AASDH: variants seen among roughly 807,000 people sequenced by gnomAD.
AASDH encodes aminoadipate-semialdehyde dehydrogenase.
In AASDH, 81 loss-of-function variants were observed where a neutral mutation model predicts 102.3. The ratio of observed to expected loss-of-function variants is 0.79; its 90% confidence interval spans 0.66 to 0.95. The LOEUF is 0.95. AASDH is among the 40% of genes least tolerant of loss of function. The pLI is 0.00. For missense variants in AASDH, 1,203 were observed against 1,266.2 expected, an observed-to-expected ratio of 0.95 and a Z score of 0.76; for synonymous variants, 398 against 454.0, an observed-to-expected ratio of 0.88 and a Z score of 1.57.
At chr4:56,338,820 T>C (rs764889858) in intron 14 of AASDH, 29 bp from the exon 15 acceptor site, 15 of 1,585,548 alleles carry the variant, frequency 9.5e-6, no homozygotes, top group Non-Finnish European at 1.2e-5. Context: ...ATAAATATAA[T>C]TCATTCATCT....
Position 56,343,668 on chromosome 4 carries a change from C to T in AASDH, c.2669G>A (p.Trp890Ter). 1 of 1,608,418 alleles carries T rather than the reference C, an allele frequency of 6.2e-7. No homozygotes were observed. Among genetic ancestry groups the T allele is most frequent in the Non-Finnish European group, 8.5e-7 (1 of 1,177,654 alleles). ...GACAGTTCCTCCACATTTTGACTTC[C>T]AAACACACTTCTTTCTCTGCAAATA... is the stretch of plus-strand genomic sequence containing the variant. ...ALDIYRKKCV[W>*]KSKCGGTVFS... Residue 890 changes from tryptophan to a stop codon, truncating the protein, a stop_gained, in exon 13 of 15, where the codon TGG (tryptophan) becomes TAG (stop). Transcript: ENST00000205214. LOFTEE classifies it high-confidence loss of function.
At chr4:56,385,360 G>T (rs1753429416) in intron 1 of AASDH, among the ~76,000 whole-genome samples, 1 of 152,062 alleles carries the variant, frequency 6.6e-6, no homozygotes, top group Non-Finnish European at 1.5e-5. Flanking sequence ...AGTTCACTTA[G>T]ACTGAAAATA....
chr4:56,356,843 G>A, intron 5 of AASDH: 3 of 849,044 alleles, frequency 3.5e-6, no homozygotes, highest in Middle Eastern at 3.5e-4. Flanking sequence ...CGTCACTGGG[G>A]CGGCAATGTC....
chr4:56,374,528 G>GA (rs1316217484), intron 4 of AASDH, among the ~76,000 whole-genome samples: 1 of 152,096 alleles, frequency 6.6e-6, no homozygotes, highest in Non-Finnish European at 1.5e-5. Context: ...CCATGAAGAA[G>GA]ACAGAAAGAC....
chr4:56,342,256 CAAT>C (rs1357354813), intron 14 of AASDH, among the ~76,000 whole-genome samples: 8 of 151,750 alleles, frequency 5.3e-5, no homozygotes, highest in Admixed American at 5.3e-4. Flanking sequence ...CAGCCAACAA[CAAT>C]ATGTTGTATA....
At chr4:56,340,369 C>T (rs1037113433) in intron 14 of AASDH, among the ~76,000 whole-genome samples, 2 of 152,134 alleles carry the variant, frequency 1.3e-5, no homozygotes, top group African/African-American at 2.4e-5. Context: ...AATAAATCCA[C>T]GTAGTTACAG....
intron 5 of AASDH, among the ~76,000 whole-genome samples, chr4:56,365,389 T>G (rs1012770474): frequency 2.0e-5 from 3 of 151,112 alleles, no homozygotes; most frequent in African/African-American, 7.3e-5. Flanking sequence ...TCTACAGAAC[T>G]CTCTACCCCA....
At chr4:56,352,854 A>G (rs1389177176) in intron 9 of AASDH, among the ~76,000 whole-genome samples, 1 of 152,180 alleles carries the variant, frequency 6.6e-6, no homozygotes, top group African/African-American at 2.4e-5. Flanking sequence ...CCAAAGGGAG[A>G]TATTAGACTT....
At chr4:56,339,894 C>T (rs1747447928) in intron 14 of AASDH, among the ~76,000 whole-genome samples, 1 of 151,958 alleles carries the variant, frequency 6.6e-6, no homozygotes, top group African/African-American at 2.4e-5. Context: ...TGTGGCCAGG[C>T]ATGGTGGCTC....
chr4:56,353,550 T>C lies in AASDH; in HGVS notation c.1430A>G (p.Tyr477Cys). The C allele has an allele frequency of 6.2e-7, 1 of 1,613,482 alleles. No homozygotes were observed. Residue 477 changes from tyrosine to cysteine, a missense_variant, in exon 9 of 15, where the codon TAT becomes TGT. Coordinates refer to ENST00000205214, the MANE Select transcript of AASDH (RefSeq NM_181806.4). Reference sequence around the variant, plus strand: ...GAAGAGAATTAATTTTTCCTGATTATACCATGTAACTGCACAAGACTCCAC... The same window carrying C: ...GAAGAGAATTAATTTTTCCTGATTACACCATGTAACTGCACAAGACTCCAC... ...QQVESCAVTW[Y>C]NQEKLILFMV...
rs752336527 is a variant in AASDH, at chr4:56,371,434, T to A, written c.861+17A>T. The A allele has an allele frequency of 5.1e-6, 8 of 1,579,254 alleles. No homozygotes were observed. The South Asian group carries it at 8.3e-5, about 16-fold the overall frequency. ...TGAAAAATGATAAACAAAACGTTCA[T>A]TGCTACTAAAATGTACCTGCAAAAC... On this transcript the variant is annotated intron_variant, in intron 5 of 14. Coordinates refer to ENST00000205214, the MANE Select transcript of AASDH (RefSeq NM_181806.4).
chr4:56,385,978 T>C lies in AASDH; in HGVS notation c.-43+1384A>G, dbSNP rs57441337. Among the ~76,000 whole-genome samples, 468 of 151,910 alleles carry C rather than the reference T, an allele frequency of 3.1e-3. 3 individuals are homozygous for C. Among genetic ancestry groups the C allele is most frequent in the African/African-American group, 0.011 (448 of 41,454 alleles). On this transcript the variant is annotated intron_variant, in intron 1 of 14. Transcript: ENST00000205214. ...CACCTATTTGAATTGATTTCCTGACTCAAAATTTTCATTTATATCAACTAA... is the reference window on the plus strand; with the variant it reads ...CACCTATTTGAATTGATTTCCTGACCCAAAATTTTCATTTATATCAACTAA...
intron 1 of AASDH, among the ~76,000 whole-genome samples, 179 bp from the exon 2 acceptor site, chr4:56,384,520 T>G (rs899028992): frequency 6.6e-6 from 1 of 152,148 alleles, no homozygotes; most frequent in African/African-American, 2.4e-5. Context: ...AGGTTGAAAA[T>G]TAACTTGATA....
intron 5 of AASDH, among the ~76,000 whole-genome samples, chr4:56,366,899 G>T (rs1234582983): frequency 6.6e-6 from 1 of 150,998 alleles, no homozygotes; most frequent in Non-Finnish European, 1.5e-5. Context: ...GGAAATAAAG[G>T]GTATTCAATT....
chr4:56,384,360 G>A lies in AASDH; in HGVS notation c.-42-19C>T. The A allele has an allele frequency of 2.0e-6, 3 of 1,482,566 alleles. No individual in the cohort carries two copies. The highest frequency in any genetic ancestry group is 1.7e-4 in the Middle Eastern group (1 of 5,810). The allele number at this position is 1,482,566 out of a possible 1,614,324, so 91.8% of individuals were successfully genotyped here. On this transcript the variant is annotated intron_variant, in intron 1 of 14. Transcript: ENST00000205214. Reference sequence around the variant, plus strand: ...CAGAACCCTGTGTATATACAGAAGTGTTAGGGGGAGAGGGAGTTTTAGAGA... The same window carrying A: ...CAGAACCCTGTGTATATACAGAAGTATTAGGGGGAGAGGGAGTTTTAGAGA...
At chr4:56,374,506 C>T (rs1578053349) in intron 4 of AASDH, among the ~76,000 whole-genome samples, 1 of 151,844 alleles carries the variant, frequency 6.6e-6, no homozygotes, top group African/African-American at 2.4e-5. Flanking sequence ...AGTGGTTTTA[C>T]TCCCAGGAAG....
At chr4:56,387,237 C>A (rs1753677638) in intron 1 of AASDH, 125 bp downstream of exon 1, 1 of 152,340 alleles carries the variant, frequency 6.6e-6, no homozygotes, top group Non-Finnish European at 1.5e-5. Flanking sequence ...CCCGATGTAT[C>A]AAATCCGAGG....
At chr4:56,361,736 G>A (rs748755105) in intron 5 of AASDH, among the ~76,000 whole-genome samples, 7 of 152,184 alleles carry the variant, frequency 4.6e-5, no homozygotes, top group Non-Finnish European at 1.0e-4. Context: ...TCAGGAGGCT[G>A]AGGTGGGATG....
chr4:56,385,398 A>T lies in AASDH; in HGVS notation c.-42-1057T>A, dbSNP rs76767322. On this transcript the variant is annotated intron_variant, in intron 1 of 14. Coordinates refer to ENST00000205214, the MANE Select transcript of AASDH (RefSeq NM_181806.4). ...ATATTACAACTCAATAAAGCAGTATATCAATGCAATGTTCTCTGGGTTTCT... is the reference window on the plus strand; with the variant it reads ...ATATTACAACTCAATAAAGCAGTATTTCAATGCAATGTTCTCTGGGTTTCT... 6.9e-3 allele frequency among the ~76,000 whole-genome samples: 1,050 copies of T among 152,342 alleles called. 13 individuals carry two copies. The highest frequency in any genetic ancestry group is 0.024 in the African/African-American group (992 of 41,568).
Sources: allele counts gnomAD v4.1 joint callset (sites outside exome capture counted in the v4.1 genomes callset), GRCh38; gene constraint gnomAD v4.1.1; transcripts MANE v1.5; gene names NCBI Gene and HGNC (gene_info 2026-07-23, HGNC 2026-07-21).